LMCD1: variants seen among roughly 807,000 people sequenced by gnomAD.
LMCD1 encodes LIM and cysteine rich domains 1.
A neutral mutation model predicts 42.7 loss-of-function variants in LMCD1; 32 were observed. That is an observed-to-expected ratio of 0.75 (90% confidence interval 0.57 to 1.01). The LOEUF is 1.01. Among genes scored for constraint, LMCD1 ranks in the 50% least tolerant of loss-of-function variants. The probability of loss-of-function intolerance (pLI) is 0.00; values close to 1 mark genes in which losing one functional copy is unlikely to be tolerated. For missense variants in LMCD1, 458 were observed against 483.1 expected, an observed-to-expected ratio of 0.95 and a Z score of 0.49; for synonymous variants, 178 against 184.9, an observed-to-expected ratio of 0.96 and a Z score of 0.30.
chr3:8,530,879 G>C (rs1559349535), intron 1 of LMCD1, among the ~76,000 whole-genome samples: 1 of 152,190 alleles, frequency 6.6e-6, no homozygotes, highest in Non-Finnish European at 1.5e-5. Flanking sequence ...CTTTTCACAT[G>C]AATCTAGCAT....
At chr3:8,539,792 ATTT>A (rs201628148) in intron 3 of LMCD1, among the ~76,000 whole-genome samples, 1 of 128,614 alleles carries the variant, frequency 7.8e-6, no homozygotes, top group South Asian at 2.6e-4. Context: ...CCTTCCCAAC[ATTT>A]TTATTATTAT....
At chr3:8,548,525 C>T (rs759397350) in intron 3 of LMCD1, 43 bp from the exon 4 acceptor site, 9 of 1,390,696 alleles carry the variant, frequency 6.5e-6, no homozygotes, top group Non-Finnish European at 8.9e-6. Flanking sequence ...ACTGATGAAG[C>T]CCCATCCACA....
intron 1 of LMCD1, 37 bp downstream of exon 1, chr3:8,502,017 AC>A (rs770625887): frequency 8.4e-6 from 12 of 1,435,380 alleles, no homozygotes; most frequent in African/African-American, 3.0e-5. Context: ...CCAGATTCTT[AC>A]TTTTTCTTGT....
At chr3:8,556,940 G>A (rs1317703191) in intron 4 of LMCD1, among the ~76,000 whole-genome samples, 1 of 152,178 alleles carries the variant, frequency 6.6e-6, no homozygotes, top group African/African-American at 2.4e-5. Flanking sequence ...AGGTGAAGGG[G>A]TCAGTTAACA....
Position 8,555,775 on chromosome 3 carries a change from G to C in LMCD1, c.723+6872G>C, listed in dbSNP as rs193070843. On this transcript the variant is annotated intron_variant, in intron 4 of 5. Coordinates refer to ENST00000157600, the MANE Select transcript of LMCD1 (RefSeq NM_014583.4). ...GCATATTATTCCATTGATTAAAACAGGGATTGGTAAACTTTTTCTGTACAG... is the reference window on the plus strand; with the variant it reads ...GCATATTATTCCATTGATTAAAACACGGATTGGTAAACTTTTTCTGTACAG... Among the ~76,000 whole-genome samples the C allele has an allele frequency of 3.7e-3, 450 of 120,512 alleles. 5 individuals are homozygous for C. The highest frequency in any genetic ancestry group is 5.5e-3 in the Non-Finnish European group (344 of 62,180). The allele number at this position is 120,512 out of a possible 152,430, so 79.1% of individuals were successfully genotyped here. A position where few individuals can be genotyped will look rare whatever the true frequency, so the allele number is the denominator to read the frequency against.
At chr3:8,545,787 T>G (rs1694722988) in intron 3 of LMCD1, among the ~76,000 whole-genome samples, 1 of 152,202 alleles carries the variant, frequency 6.6e-6, no homozygotes, top group African/African-American at 2.4e-5. Context: ...TTGACATATG[T>G]AGCTGGTGAG....
chr3:8,551,959 G>C (rs1275760849), intron 4 of LMCD1, among the ~76,000 whole-genome samples: 1 of 152,192 alleles, frequency 6.6e-6, no homozygotes, highest in Non-Finnish European at 1.5e-5. Flanking sequence ...TGAGAATAAA[G>C]GTGTGGGGAA....
At chr3:8,547,834 C>T (rs937060761) in intron 3 of LMCD1, among the ~76,000 whole-genome samples, 4 of 151,438 alleles carry the variant, frequency 2.6e-5, no homozygotes, top group Non-Finnish European at 5.9e-5. Context: ...TGCAGTGAGC[C>T]GAGATCACAC....
chr3:8,548,942 G>A (rs1033668561), intron 4 of LMCD1, 39 bp downstream of exon 4: 3 of 1,431,246 alleles, frequency 2.1e-6, no homozygotes, highest in Admixed American at 2.7e-5. Context: ...CTGAAACCAT[G>A]CAGGCCCAGG....
chr3:8,533,286 G>A (rs1292723651), intron 2 of LMCD1, among the ~76,000 whole-genome samples: 1 of 152,166 alleles, frequency 6.6e-6, no homozygotes, highest in East Asian at 1.9e-4. Context: ...CCAGGACCTG[G>A]TATTCATATC....
chr3:8,528,181 T>C (rs935574927), intron 1 of LMCD1, among the ~76,000 whole-genome samples: 2 of 152,176 alleles, frequency 1.3e-5, no homozygotes, highest in Non-Finnish European at 2.9e-5. Context: ...GCCACTCACC[T>C]TTCTGCCTTA....
At chr3:8,542,774 G>C (rs1453077209) in intron 3 of LMCD1, among the ~76,000 whole-genome samples, 2 of 152,214 alleles carry the variant, frequency 1.3e-5, no homozygotes, top group South Asian at 2.1e-4. Flanking sequence ...GTGTGACCTT[G>C]GGGAGGTTAC....
chr3:8,567,793 C>A lies in LMCD1; in HGVS notation c.*195C>A. ...TGGGTGGTGGTAGATCCTTGAGGGTCAGTAGTTTCAAAACCAAAAATATTC... is the reference window on the plus strand; with the variant it reads ...TGGGTGGTGGTAGATCCTTGAGGGTAAGTAGTTTCAAAACCAAAAATATTC... On this transcript the variant is annotated 3_prime_UTR_variant, in exon 6 of 6. Coordinates refer to ENST00000157600, the MANE Select transcript of LMCD1 (RefSeq NM_014583.4). 1 of 409,092 alleles carries A rather than the reference C, an allele frequency of 2.4e-6. No individual in the cohort carries two copies. Among genetic ancestry groups the A allele is most frequent in the Non-Finnish European group, 4.1e-6 (1 of 242,558 alleles). The allele number at this position is 409,092 out of a possible 1,614,324, so 25.3% of individuals were successfully genotyped here.
At chr3:8,528,614 C>T (rs1290231389) in intron 1 of LMCD1, among the ~76,000 whole-genome samples, 7 of 152,184 alleles carry the variant, frequency 4.6e-5, no homozygotes, top group Admixed American at 4.6e-4. Context: ...TCAGAGGAGG[C>T]AATTGAGTTA....
chr3:8,560,752 C>T (rs1220956498), intron 4 of LMCD1, among the ~76,000 whole-genome samples: 2 of 152,162 alleles, frequency 1.3e-5, no homozygotes, highest in East Asian at 1.9e-4. Flanking sequence ...CTGATGGGCT[C>T]CAAGCCAGCT....
At chr3:8,551,397 A>G (rs1401079594) in intron 4 of LMCD1, 2 of 930,512 alleles carry the variant, frequency 2.1e-6, no homozygotes, top group Admixed American at 1.2e-4. Flanking sequence ...CACTATGCTC[A>G]CACTGTCAGG....
At chr3:8,552,959 G>A (rs1164649551) in intron 4 of LMCD1, among the ~76,000 whole-genome samples, 10 of 152,108 alleles carry the variant, frequency 6.6e-5, no homozygotes, top group African/African-American at 9.7e-5. Flanking sequence ...TCCTGACCTC[G>A]TGATCCACCC....
At chr3:8,513,343 C>T (rs1694036959) in intron 1 of LMCD1, among the ~76,000 whole-genome samples, 1 of 152,158 alleles carries the variant, frequency 6.6e-6, no homozygotes, top group African/African-American at 2.4e-5. Context: ...CAGGGTTTGT[C>T]TGGGGATCCA....
intron 5 of LMCD1, 111 bp downstream of exon 5, chr3:8,565,758 G>A: frequency 9.5e-7 from 1 of 1,053,132 alleles, no homozygotes; most frequent in Non-Finnish European, 1.4e-6. Flanking sequence ...TACAGATTGG[G>A]AAACTGAAGT....
Sources: allele counts gnomAD v4.1 joint callset (sites outside exome capture counted in the v4.1 genomes callset), GRCh38; gene constraint gnomAD v4.1.1; transcripts MANE v1.5; gene names NCBI Gene and HGNC (gene_info 2026-07-23, HGNC 2026-07-21).